The following ROBO2 variants were observed in gnomAD, a reference collection of about 807,000 sequenced individuals.
The protein encoded by ROBO2 is roundabout homolog 2.
Under a neutral mutation model 160.8 loss-of-function variants are expected in ROBO2, and 53 were observed. That is an observed-to-expected ratio of 0.33 (90% CI 0.26 to 0.41). ROBO2 has a LOEUF of 0.41. Ranked by LOEUF, ROBO2 falls within the 10% of genes least tolerant of loss-of-function variation. The probability of loss-of-function intolerance (pLI) is 1.00; values close to 1 mark genes in which losing one functional copy is unlikely to be tolerated. For synonymous variants in ROBO2, 664 were observed against 611.7 expected, an observed-to-expected ratio of 1.09 and a Z score of -1.26; for missense variants, 1,577 against 1,722.4, an observed-to-expected ratio of 0.92 and a Z score of 1.49.
At chr3:77,360,618 G>T (rs546765267) in intron 2 of ROBO2, among the ~76,000 whole-genome samples, 1 of 150,998 alleles carries the variant, frequency 6.6e-6, no homozygotes, top group Non-Finnish European at 1.5e-5. Context: ...TTCTTTTCCA[G>T]TTGACTTTTT....
intron 8 of ROBO2, among the ~76,000 whole-genome samples, chr3:77,556,941 C>T (rs2093143834): frequency 6.6e-6 from 1 of 151,798 alleles, no homozygotes; most frequent in South Asian, 2.1e-4. Flanking sequence ...CTTCCCTGGA[C>T]CTGGACATGT....
intron 5 of ROBO2, among the ~76,000 whole-genome samples, chr3:77,510,526 G>A (rs1207604346): frequency 6.6e-6 from 1 of 152,030 alleles, no homozygotes; most frequent in Non-Finnish European, 1.5e-5. Flanking sequence ...AATATCACTG[G>A]AGGAGGTTAT....
At chr3:76,613,336 T>G (rs1224415920) in intron 2 of ROBO2, among the ~76,000 whole-genome samples, 1 of 152,162 alleles carries the variant, frequency 6.6e-6, no homozygotes, top group Non-Finnish European at 1.5e-5. Flanking sequence ...TCTGAATCTC[T>G]CTGTCTCTCA....
intron 2 of ROBO2, among the ~76,000 whole-genome samples, chr3:76,183,809 A>C (rs1169239692): frequency 6.6e-6 from 1 of 152,156 alleles, no homozygotes; most frequent in African/African-American, 2.4e-5. Context: ...TAATGTTGCT[A>C]AGTTCACACA....
At chr3:76,850,431 C>T (rs561629727) in intron 2 of ROBO2, among the ~76,000 whole-genome samples, 22 of 152,244 alleles carry the variant, frequency 1.4e-4, no homozygotes, top group Admixed American at 1.1e-3. Context: ...TGACTTTCTT[C>T]TTCCAGGGAG....
chr3:76,775,618 G>A (rs901972039), intron 2 of ROBO2, among the ~76,000 whole-genome samples: 1 of 150,626 alleles, frequency 6.6e-6, no homozygotes, highest in Non-Finnish European at 1.5e-5. Context: ...AATGTCATAG[G>A]TTTATTTCTT....
At chr3:76,923,369 C>T (rs1396259038) in intron 2 of ROBO2, among the ~76,000 whole-genome samples, 1 of 152,144 alleles carries the variant, frequency 6.6e-6, no homozygotes, top group East Asian at 1.9e-4. Context: ...ATGATTTGCT[C>T]TAGAAGGATG....
At chr3:76,011,823 C>G (rs659486) in intron 2 of ROBO2, among the ~76,000 whole-genome samples, 118,504 of 151,820 alleles carry the variant, frequency 0.78, 46,938 homozygotes, top group South Asian at 0.9. Context: ...CAATATCACC[C>G]AGTGACTCGA....
chr3:77,172,931 A>G (rs1294526865), intron 2 of ROBO2, among the ~76,000 whole-genome samples: 1 of 152,202 alleles, frequency 6.6e-6, no homozygotes, highest in Non-Finnish European at 1.5e-5. Flanking sequence ...TCAGAACTGA[A>G]GTATTTATCC....
At chr3:77,280,007 G>A (rs2060140069) in intron 2 of ROBO2, among the ~76,000 whole-genome samples, 1 of 151,980 alleles carries the variant, frequency 6.6e-6, no homozygotes, top group African/African-American at 2.4e-5. Context: ...TTTTAGGTAG[G>A]TCATAACCCT....
At chr3:76,458,155 G>T (rs1171536885) in intron 2 of ROBO2, among the ~76,000 whole-genome samples, 5 of 152,122 alleles carry the variant, frequency 3.3e-5, no homozygotes, top group Admixed American at 6.6e-5. Context: ...ACATAGTCAG[G>T]CTACACATTT....
chr3:76,325,614 T>C (rs2072948541), intron 2 of ROBO2, among the ~76,000 whole-genome samples: 1 of 152,094 alleles, frequency 6.6e-6, no homozygotes, highest in Non-Finnish European at 1.5e-5. Flanking sequence ...AATCAGTTTA[T>C]AAGCCAAAGC....
At chr3:76,209,477 A>G (rs1293255673) in intron 2 of ROBO2, among the ~76,000 whole-genome samples, 1 of 152,164 alleles carries the variant, frequency 6.6e-6, no homozygotes, top group Non-Finnish European at 1.5e-5. Context: ...TCTGTATGGT[A>G]TAGGATAATT....
In ROBO2 at chr3:76,452,619, G is replaced by C. The variant is rs534431685; in HGVS notation, c.109+515017G>C. Among the ~76,000 whole-genome samples, 363 of 152,260 alleles carry C rather than the reference G, an allele frequency of 2.4e-3. 2 individuals carry two copies. Among genetic ancestry groups the C allele is most frequent in the East Asian group, 1.5e-3 (8 of 5,190 alleles). ...TTCCAAGTCTTTGCTATTGTGAATA[G>C]TGCCGCAATATACATACGTGTGCCT... On this transcript the variant is annotated intron_variant, in intron 2 of 26. Coordinates refer to the ROBO2 transcript ENST00000487694.
Position 77,350,691 on chromosome 3 carries a change from A to T in ROBO2, c.389-126723A>T, listed in dbSNP as rs1217866932. ...ATTCTGGGTTTTCATAGAAGGAAGG[A>T]ATCCTCTTGCAGAGTAGCTGCCATT... is the stretch of plus-strand genomic sequence containing the variant. On this transcript the variant is annotated intron_variant, in intron 2 of 25. Transcript: ENST00000461745. 3.9e-5 allele frequency among the ~76,000 whole-genome samples: 6 copies of T among 152,160 alleles called. No individual in the cohort carries two copies. In the East Asian group the frequency reaches 1.2e-3, roughly 29 times the overall value.
chr3:76,203,960 AT>A (rs1406529315), intron 2 of ROBO2, among the ~76,000 whole-genome samples: 1 of 152,216 alleles, frequency 6.6e-6, no homozygotes, highest in Non-Finnish European at 1.5e-5. Flanking sequence ...CAGGCATTGC[AT>A]TTTCCTCACA....
At chr3:77,294,003 T>A (rs1236387036) in intron 2 of ROBO2, among the ~76,000 whole-genome samples, 64 of 139,576 alleles carry the variant, frequency 4.6e-4, no homozygotes, top group African/African-American at 1.7e-3. Flanking sequence ...GTTAAACGGG[T>A]ACACTGAGGC....
At chr3:76,371,015 C>T (rs1008186938) in intron 2 of ROBO2, among the ~76,000 whole-genome samples, 1 of 151,836 alleles carries the variant, frequency 6.6e-6, no homozygotes, top group African/African-American at 2.4e-5. Context: ...GATGCCTCCC[C>T]CATGAGTAGT....
intron 2 of ROBO2, among the ~76,000 whole-genome samples, chr3:77,304,007 T>G (rs2062882037): frequency 6.6e-6 from 1 of 152,152 alleles, no homozygotes; most frequent in Non-Finnish European, 1.5e-5. Flanking sequence ...GGGATAGCTT[T>G]CTTTCTCAAC....
Sources: gnomAD v4.1 joint callset for allele counts (sites outside exome capture counted in the v4.1 genomes callset) on GRCh38, gnomAD v4.1.1 for gene constraint, MANE v1.5 for transcripts, NCBI Gene and HGNC (gene_info 2026-07-23, HGNC 2026-07-21) for gene names.